The following AAK1 variants were observed in gnomAD, a reference collection of about 807,000 sequenced individuals.
AAK1 encodes the protein AP2-associated protein kinase 1.
AAK1 carries 37 observed loss-of-function variants against 116.0 expected under a neutral mutation model. The ratio of observed to expected loss-of-function variants is 0.32; its 90% CI spans 0.25 to 0.42. The LOEUF is 0.42. AAK1 is among the 10% of genes least tolerant of loss of function. AAK1 has a pLI of 1.00. For missense variants in AAK1, 919 were observed against 1,170.6 expected, an observed-to-expected ratio of 0.79 and a Z score of 3.14; for synonymous variants, 458 against 439.9, an observed-to-expected ratio of 1.04 and a Z score of -0.51.
chr2:69,489,462 A>AG (rs1025366763), intron 17 of AAK1, among the ~76,000 whole-genome samples: 3 of 151,754 alleles, frequency 2.0e-5, no homozygotes, highest in Admixed American at 6.6e-5. Context: ...AAAAAAAAAA[A>AG]AAAAAGAGGA....
chr2:69,513,774 G>A (rs1049211684), intron 13 of AAK1, among the ~76,000 whole-genome samples: 2 of 152,154 alleles, frequency 1.3e-5, no homozygotes, highest in Non-Finnish European at 2.9e-5. Flanking sequence ...AGAAAAATAA[G>A]AGTACAGAAA....
chr2:69,499,184 C>T (rs977581236), intron 16 of AAK1, among the ~76,000 whole-genome samples: 1 of 152,138 alleles, frequency 6.6e-6, no homozygotes, highest in Non-Finnish European at 1.5e-5. Flanking sequence ...GGAAGGTCAC[C>T]TCCAACCCCC....
In AAK1 at chr2:69,474,208, T is replaced by C. The variant is rs190679876; in HGVS notation, c.*1661A>G. The C allele has an allele frequency of 8.1e-6, 8 of 985,730 alleles. No homozygotes were observed. In the East Asian group the frequency reaches 8.0e-4, roughly 98 times the overall value. The allele number at this position is 985,730 out of a possible 1,614,324, so 61.1% of individuals were successfully genotyped here. A position where few individuals can be genotyped will look rare whatever the true frequency, so the allele number is the denominator to read the frequency against. ...ACTTTTTTCCCCCATAAAGTGCAAATGTGAGGAAGAAGAAACAAAAGTACT... is the reference window on the plus strand; with the variant it reads ...ACTTTTTTCCCCCATAAAGTGCAAACGTGAGGAAGAAGAAACAAAAGTACT... On this transcript the variant is annotated 3_prime_UTR_variant, in exon 22 of 22. Transcript: ENST00000409085.
intron 2 of AAK1, among the ~76,000 whole-genome samples, chr2:69,636,872 G>A (rs1279657600): frequency 6.6e-6 from 1 of 151,946 alleles, no homozygotes; most frequent in East Asian, 1.9e-4. Context: ...GCTAATTTTT[G>A]TGTGTTTACT....
At chr2:69,535,880 G>A (rs149335124) in intron 5 of AAK1, among the ~76,000 whole-genome samples, 121 of 152,286 alleles carry the variant, frequency 7.9e-4, no homozygotes, top group African/African-American at 2.8e-3. Flanking sequence ...AGGAAGTGAA[G>A]GACTTACAAA....
At chr2:69,631,389 AAGAT>A (rs1411806900) in intron 2 of AAK1, among the ~76,000 whole-genome samples, 2 of 152,232 alleles carry the variant, frequency 1.3e-5, no homozygotes, top group East Asian at 3.8e-4. Flanking sequence ...ATAACGACAA[AAGAT>A]AATCTAGCAT....
rs1004257980 is a variant in AAK1 at position 69,460,813 on chromosome 2, T to G, written c.*15056A>C. ...AAGAAACTGATATATTAAATATTTT[T>G]CACCACATATGACATCTTTCATTCA... On this transcript the variant is annotated 3_prime_UTR_variant, in exon 22 of 22. Transcript: ENST00000409085. The G allele has an allele frequency of 2.0e-5, 3 of 152,252 alleles. No homozygotes were observed. The highest frequency in any genetic ancestry group is 7.2e-5 in the African/African-American group (3 of 41,472). 9.4% of individuals were successfully genotyped at this position (152,252 alleles called of 1,614,324 possible).
In AAK1 at chr2:69,467,394, A is replaced by T. The variant is rs919610997; in HGVS notation, c.*8475T>A. The T allele has an allele frequency of 1.0e-6, 1 of 985,356 alleles. No individual in the cohort carries two copies. The highest frequency in any genetic ancestry group is 1.2e-6 in the Non-Finnish European group (1 of 829,948). The allele number at this position is 985,356 out of a possible 1,614,324, so 61.0% of individuals were successfully genotyped here. ...GGCTTTTAAAATCAAATAGACAATT[A>T]TCAGAATGCAAGAGAGCTTACCTTC... On this transcript the variant is annotated 3_prime_UTR_variant, in exon 22 of 22. Coordinates refer to ENST00000409085, the MANE Select transcript of AAK1 (RefSeq NM_014911.5).
chr2:69,491,842 A>G (rs1038211126), intron 17 of AAK1, among the ~76,000 whole-genome samples: 3 of 152,218 alleles, frequency 2.0e-5, no homozygotes, highest in African/African-American at 4.8e-5. Context: ...TTTGACCACA[A>G]TCACCTAGCC....
At position 69,467,024 on chromosome 2, in the gene AAK1, A is replaced by G; in HGVS notation, c.*8845T>C. 6 of 985,460 alleles carry G rather than the reference A, an allele frequency of 6.1e-6. No individual in the cohort carries two copies. The highest frequency in any genetic ancestry group is 7.2e-6 in the Non-Finnish European group (6 of 829,938). The allele number at this position is 985,460 out of a possible 1,614,324, so 61.0% of individuals were successfully genotyped here. Reference sequence around the variant, plus strand: ...ACATGCAGAGGGACAAACTCTCTGAAAAGAAGCAGAATGTGGCTGCTTGAT... The same window carrying G: ...ACATGCAGAGGGACAAACTCTCTGAGAAGAAGCAGAATGTGGCTGCTTGAT... On this transcript the variant is annotated 3_prime_UTR_variant, in exon 22 of 22. Transcript: ENST00000409085.
At position 69,507,411 on chromosome 2, in the gene AAK1, G is replaced by C; in HGVS notation, c.2164+10C>G. 6.2e-7 allele frequency: 1 copy of C among 1,610,372 alleles called. No homozygotes were observed. Among genetic ancestry groups the C allele is most frequent in the Non-Finnish European group, 8.5e-7 (1 of 1,178,252 alleles). ...ATCAAGAAGCACAAAAAAAGACACA[G>C]CTTACTCACCTTCCCCAAGCTTGGC... is the stretch of plus-strand genomic sequence containing the variant. On this transcript the variant is annotated intron_variant, in intron 15 of 21. Coordinates refer to ENST00000409085, the MANE Select transcript of AAK1 (RefSeq NM_014911.5).
intron 10 of AAK1, among the ~76,000 whole-genome samples, chr2:69,521,321 G>A (rs541576855): frequency 3.9e-5 from 6 of 152,264 alleles, no homozygotes; most frequent in Admixed American, 2.6e-4. Context: ...TTCTTGTGGC[G>A]CTTTTACCTA....
At chr2:69,619,378 T>C (rs17036825) in intron 2 of AAK1, among the ~76,000 whole-genome samples, 20,043 of 152,096 alleles carry the variant, frequency 0.13, 3,066 homozygotes, top group African/African-American at 0.36. Flanking sequence ...TCTATATCCA[T>C]ACAGATTCAC....
chr2:69,607,514 G>A (rs1673862726), intron 2 of AAK1, among the ~76,000 whole-genome samples: 1 of 152,044 alleles, frequency 6.6e-6, no homozygotes, highest in South Asian at 2.1e-4. Flanking sequence ...CCCCAAAATG[G>A]TACTCAGGAA....
At position 69,460,965 on chromosome 2, in the gene AAK1, A is replaced by G. The variant is rs1419419312; in HGVS notation, c.*14904T>C. 2.0e-5 allele frequency: 3 copies of G among 152,230 alleles called. No homozygotes were observed. The highest frequency in any genetic ancestry group is 2.1e-4 in the South Asian group (1 of 4,830). The allele number at this position is 152,230 out of a possible 1,614,324, so 9.4% of individuals were successfully genotyped here. A position where few individuals can be genotyped will look rare whatever the true frequency, so the allele number is the denominator to read the frequency against. On this transcript the variant is annotated 3_prime_UTR_variant, in exon 22 of 22. Coordinates refer to ENST00000409085, the MANE Select transcript of AAK1 (RefSeq NM_014911.5). The stretch of plus-strand genomic sequence containing the variant: ...ACTGAAATGAAAGGTCACAACTTCT[A>G]TGTTCCCTATCAAATGTGTAAAGCA...
At chr2:69,541,522 A>T (rs557925629) in intron 5 of AAK1, among the ~76,000 whole-genome samples, 1 of 152,284 alleles carries the variant, frequency 6.6e-6, no homozygotes, top group South Asian at 2.1e-4. Context: ...ATGAGCCACC[A>T]CGCCTGGCCT....
At chr2:69,533,720 T>G (rs1171435579) in intron 5 of AAK1, among the ~76,000 whole-genome samples, 1 of 152,214 alleles carries the variant, frequency 6.6e-6, no homozygotes, top group African/African-American at 2.4e-5. Context: ...CTGGTGTAGC[T>G]GGGGGCACTA....
chr2:69,531,406 T>C (rs984647579), intron 6 of AAK1, among the ~76,000 whole-genome samples: 2 of 152,100 alleles, frequency 1.3e-5, no homozygotes, highest in Non-Finnish European at 2.9e-5. Context: ...ACAGAGAAGA[T>C]CAGGATGTAG....
intron 2 of AAK1, among the ~76,000 whole-genome samples, chr2:69,629,852 T>C (rs1675084263): frequency 6.6e-6 from 1 of 151,902 alleles, no homozygotes; most frequent in South Asian, 2.1e-4. Context: ...AAATAAACAG[T>C]AAAATAAAAC....
Sources: gnomAD v4.1 joint callset for allele counts (sites outside exome capture counted in the v4.1 genomes callset) on GRCh38, gnomAD v4.1.1 for gene constraint, MANE v1.5 for transcripts, NCBI Gene and HGNC (gene_info 2026-07-23, HGNC 2026-07-21) for gene names.